LRP1B: variants seen among roughly 807,000 people sequenced by gnomAD.
LRP1B encodes the protein LDL receptor related protein 1B, also known as low-density lipoprotein receptor-related protein 1B.
In LRP1B, 217 loss-of-function variants were observed where a neutral mutation model predicts 556.6. That is an observed-to-expected ratio of 0.39 (90% CI 0.35 to 0.44). LRP1B has a LOEUF of 0.44. Among genes scored for constraint, LRP1B ranks in the 20% least tolerant of loss-of-function variants. LRP1B has a pLI of 1.00. For synonymous variants in LRP1B, 2,047 were observed against 1,865.8 expected (o/e 1.10, Z -2.50); for missense variants, 5,053 against 5,620.8 (o/e 0.90, Z 3.23).
chr2:142,055,622 T>A (rs962175417), intron 1 of LRP1B, among the ~76,000 whole-genome samples: 1 of 152,146 alleles, frequency 6.6e-6, no homozygotes, highest in African/African-American at 2.4e-5. Flanking sequence ...CTTCCCATGT[T>A]TGTACCATTA....
rs539293250 is a variant in LRP1B, at chr2:141,634,764, A to G, written c.206-154231T>C. 2.3e-4 allele frequency among the ~76,000 whole-genome samples: 35 copies of G among 152,078 alleles called. No individual in the cohort carries two copies. In the South Asian group the frequency reaches 7.3e-3, roughly 32 times the overall value. The stretch of plus-strand genomic sequence containing the variant: ...TTATTTACCTTTTTAGACTATTGAC[A>G]GGATTTTAGTGGTGTAATTGTGGTG... On this transcript the variant is annotated intron_variant, in intron 2 of 90. Coordinates refer to ENST00000389484, the MANE Select transcript of LRP1B (RefSeq NM_018557.3).
rs35821928 is a variant in LRP1B at position 140,510,004 on chromosome 2, G to A, written c.8322C>T (p.Cys2774=). 0.064 allele frequency: 103,948 copies of A among 1,613,798 alleles called. 4,002 individuals carry two copies. Among genetic ancestry groups the A allele is most frequent in the Non-Finnish European group, 0.072 (85,493 of 1,179,914 alleles). The stretch of plus-strand genomic sequence containing the variant: ...CATCACAAAGCCAATGTCGGGGCAC[G>A]CAGGCACGAGAGCCCTGGCAGCTGA... ...DMFSCQGSRA[C]VPRHWLCDGE... Residue 2774 remains cysteine (C), a synonymous_variant, in exon 52 of 91, where the codon TGC becomes TGT. Transcript: ENST00000389484.
chr2:141,390,843 T>G (rs866899893), intron 3 of LRP1B, among the ~76,000 whole-genome samples: 2 of 152,232 alleles, frequency 1.3e-5, no homozygotes, highest in Middle Eastern at 3.2e-3. Flanking sequence ...GAAGTGGTGG[T>G]TGCACAACAT....
intron 1 of LRP1B, among the ~76,000 whole-genome samples, chr2:141,845,441 G>A (rs141767447): frequency 0.011 from 1,606 of 151,942 alleles, 14 homozygotes; most frequent in Non-Finnish European, 0.019. Flanking sequence ...ATAATTTTCC[G>A]CAAGATAATA....
chr2:141,575,532 C>T (rs2170669), intron 2 of LRP1B, among the ~76,000 whole-genome samples: 148,122 of 152,266 alleles, frequency 0.97, 72,179 homozygotes, highest in East Asian at 1. Flanking sequence ...ATTCAGGACA[C>T]AGGCATGGGC....
chr2:141,424,556 T>A (rs1013757103), intron 3 of LRP1B, among the ~76,000 whole-genome samples: 6 of 152,240 alleles, frequency 3.9e-5, no homozygotes, highest in African/African-American at 1.4e-4. Context: ...TGAAAGGCAC[T>A]TTGAATAAAT....
chr2:141,711,952 G>C (rs1054415982), intron 2 of LRP1B, among the ~76,000 whole-genome samples: 27 of 148,388 alleles, frequency 1.8e-4, no homozygotes, highest in Admixed American at 8.8e-4. Context: ...AACACACACA[G>C]ACACACACAC....
At position 140,468,851 on chromosome 2, in the gene LRP1B, T is replaced by C. The variant is rs144799356; in HGVS notation, c.9625+6287A>G. 6.8e-3 allele frequency among the ~76,000 whole-genome samples: 1,038 copies of C among 152,342 alleles called. 13 individuals carry two copies. The highest frequency in any genetic ancestry group is 0.024 in the African/African-American group (985 of 41,588). ...TTGGTCAGAATCCATTACCTCTTTC[T>C]TCTTTCTCCTTTTTGGAATGGAAAT... On this transcript the variant is annotated intron_variant, in intron 60 of 90. Coordinates refer to ENST00000389484, the MANE Select transcript of LRP1B (RefSeq NM_018557.3).
intron 60 of LRP1B, among the ~76,000 whole-genome samples, chr2:140,464,939 T>C (rs1049817192): frequency 1.3e-5 from 2 of 152,066 alleles, no homozygotes; most frequent in Non-Finnish European, 2.9e-5. Context: ...CGTAGAAGAG[T>C]GTAACATATT....
intron 2 of LRP1B, among the ~76,000 whole-genome samples, chr2:141,786,600 T>TTTCTTTCTTTCCAACTGTG (rs1328895023): frequency 1.3e-5 from 2 of 151,896 alleles, no homozygotes; most frequent in Non-Finnish European, 1.5e-5. Flanking sequence ...GATAATTGTG[T>TTTCTTTCTTTCCAACTGTG]TTCTTTCTTT....
chr2:140,483,642 T>TA (rs1558913754), intron 59 of LRP1B, among the ~76,000 whole-genome samples: 14 of 61,050 alleles, frequency 2.3e-4, no homozygotes, highest in East Asian at 2.2e-3. Context: ...ATATATATAT[T>TA]TTTTTTTTTT....
In LRP1B at chr2:140,595,701, C is replaced by T. The variant is rs909605710; in HGVS notation, c.7194+2930G>A. 8.5e-5 allele frequency among the ~76,000 whole-genome samples: 13 copies of T among 152,122 alleles called. No homozygotes were observed. In the East Asian group the frequency reaches 9.7e-4, roughly 11 times the overall value. On this transcript the variant is annotated intron_variant, in intron 43 of 90. Coordinates refer to ENST00000389484, the MANE Select transcript of LRP1B (RefSeq NM_018557.3). ...TAAAGTATAAGAGCTTTGATTCCCA[C>T]TAGTATGCATTATACCATGTAATAA... is the stretch of plus-strand genomic sequence containing the variant.
chr2:141,100,939 G>A (rs1056216875), intron 7 of LRP1B, among the ~76,000 whole-genome samples: 3 of 152,068 alleles, frequency 2.0e-5, no homozygotes, highest in African/African-American at 7.2e-5. Context: ...TTTTTTCCAA[G>A]AGTACAGAAA....
rs558363229 is a variant in LRP1B at position 141,894,435 on chromosome 2, C to T, written c.83-84034G>A. 2.6e-5 allele frequency among the ~76,000 whole-genome samples: 4 copies of T among 152,036 alleles called. No individual in the cohort carries two copies. In the East Asian group the frequency reaches 7.8e-4, roughly 29 times the overall value. On this transcript the variant is annotated intron_variant, in intron 1 of 90. Transcript: ENST00000389484. ...TACCAGGTGATCCCACACTAAGACA[C>T]CTTGCAGGGCTTTTCAAATAAATAT...
intron 1 of LRP1B, among the ~76,000 whole-genome samples, chr2:141,839,553 G>A (rs1189734540): frequency 6.6e-6 from 1 of 152,152 alleles, no homozygotes; most frequent in Non-Finnish European, 1.5e-5. Context: ...GGTAAACAAG[G>A]CTTGTACATT....
intron 2 of LRP1B, among the ~76,000 whole-genome samples, chr2:141,684,873 C>A (rs893197393): frequency 6.6e-6 from 1 of 151,934 alleles, no homozygotes; most frequent in Admixed American, 6.6e-5. Context: ...TGCCAGACTC[C>A]CAAAATTATA....
intron 1 of LRP1B, among the ~76,000 whole-genome samples, chr2:141,877,724 T>G (rs1421840248): frequency 6.6e-6 from 1 of 151,994 alleles, no homozygotes; most frequent in Non-Finnish European, 1.5e-5. Context: ...TTCAACAGGA[T>G]GCAGAAGGTA....
chr2:140,388,854 C>G (rs1239310589), intron 66 of LRP1B, among the ~76,000 whole-genome samples: 1 of 152,084 alleles, frequency 6.6e-6, no homozygotes, highest in Non-Finnish European at 1.5e-5. Flanking sequence ...TATCCCATAT[C>G]AAATCAATAA....
rs1029098208 is a variant in LRP1B at position 140,771,938 on chromosome 2, C to T, written c.5501-932G>A. ...AATACCAATGCAGCTCGTTATTTCT[C>T]TTCTTCTGAATTCAAGATGGTCTGA... On this transcript the variant is annotated intron_variant, in intron 33 of 90. Coordinates refer to ENST00000389484, the MANE Select transcript of LRP1B (RefSeq NM_018557.3). 6.6e-5 allele frequency among the ~76,000 whole-genome samples: 10 copies of T among 152,292 alleles called. 1 individual carries two copies. In the East Asian group the frequency reaches 1.2e-3, roughly 18 times the overall value.
Sources: gnomAD v4.1 joint callset for allele counts (sites outside exome capture counted in the v4.1 genomes callset) on GRCh38, gnomAD v4.1.1 for gene constraint, MANE v1.5 for transcripts, NCBI Gene and HGNC (gene_info 2026-07-23, HGNC 2026-07-21) for gene names.